RPS6KC1: variants seen among roughly 807,000 people sequenced by gnomAD.
RPS6KC1 encodes the protein inactive ribosomal protein S6 kinase delta-1.
In RPS6KC1, 54 loss-of-function variants were observed where a neutral mutation model predicts 103.8. The ratio of observed to expected loss-of-function variants is 0.52; its 90% confidence interval spans 0.42 to 0.65. RPS6KC1 has a LOEUF of 0.65. Ranked by LOEUF, RPS6KC1 falls within the 30% of genes least tolerant of loss-of-function variation. RPS6KC1 has a pLI of 0.00. For synonymous variants in RPS6KC1, 439 were observed against 438.7 expected, an observed-to-expected ratio of 1.00 and a Z score of -0.01; for missense variants, 1,151 against 1,253.8, an observed-to-expected ratio of 0.92 and a Z score of 1.24.
At chr1:213,563,579 C>T in the RPS6KC1 span, among the ~76,000 whole-genome samples, 1 of 151,990 alleles carries the variant, frequency 6.6e-6, no homozygotes, top group Admixed American at 6.6e-5. Flanking sequence ...CTGTTTTCTA[C>T]TGATTTTAAG....
the RPS6KC1 span, among the ~76,000 whole-genome samples, chr1:213,803,302 G>T: frequency 6.8e-6 from 1 of 147,538 alleles, no homozygotes; most frequent in Non-Finnish European, 1.5e-5. Context: ...GCTGGAGTAC[G>T]GTGGCATGAT....
the RPS6KC1 span, among the ~76,000 whole-genome samples, chr1:213,479,829 TA>T: frequency 0.37 from 56,403 of 151,620 alleles, 11,070 homozygotes; most frequent in East Asian, 0.59. Context: ...ATAGGATCTT[TA>T]AAAAAAATAG....
At chr1:213,062,564 C>CT (rs949827976) in intron 1 of RPS6KC1, among the ~76,000 whole-genome samples, 71 of 145,004 alleles carry the variant, frequency 4.9e-4, no homozygotes, top group East Asian at 1.4e-3. Context: ...GCTTTTGAAT[C>CT]TTTTTTTTTT....
chr1:213,370,081 A>G, the RPS6KC1 span, among the ~76,000 whole-genome samples: 50 of 152,158 alleles, frequency 3.3e-4, no homozygotes, highest in South Asian at 4.1e-4. Flanking sequence ...ATGTAGGAAG[A>G]TGAATTTCTA....
chr1:213,608,746 AT>A, the RPS6KC1 span, among the ~76,000 whole-genome samples: 1 of 152,182 alleles, frequency 6.6e-6, no homozygotes, highest in Non-Finnish European at 1.5e-5. Context: ...TATGTATTAT[AT>A]TTTTATAGAA....
chr1:213,188,316 G>A (rs576973518), intron 8 of RPS6KC1, among the ~76,000 whole-genome samples: 2 of 152,102 alleles, frequency 1.3e-5, no homozygotes, highest in Admixed American at 1.3e-4. Context: ...GTGGAGGGAG[G>A]GTGAGATTTT....
At chr1:213,229,722 A>T (rs1001236893) in intron 8 of RPS6KC1, among the ~76,000 whole-genome samples, 1 of 152,144 alleles carries the variant, frequency 6.6e-6, no homozygotes, top group African/African-American at 2.4e-5. Context: ...GCAATGTGTG[A>T]GAGGTTATGA....
At chr1:213,073,589 A>C (rs1454872073) in intron 2 of RPS6KC1, among the ~76,000 whole-genome samples, 1 of 152,208 alleles carries the variant, frequency 6.6e-6, no homozygotes, top group Non-Finnish European at 1.5e-5. Flanking sequence ...AAAGAACTGA[A>C]ACAGGACTTT....
At chr1:213,567,996 T>C in the RPS6KC1 span, among the ~76,000 whole-genome samples, 339 of 152,346 alleles carry the variant, frequency 2.2e-3, 1 homozygote, top group African/African-American at 7.5e-3. Flanking sequence ...GCTTGCAGAC[T>C]GGCTGGAAGA....
intron 8 of RPS6KC1, among the ~76,000 whole-genome samples, chr1:213,189,102 G>A (rs2148449717): frequency 6.6e-6 from 1 of 152,186 alleles, no homozygotes; most frequent in Non-Finnish European, 1.5e-5. Flanking sequence ...AATGTAGGAA[G>A]GTTAATATTT....
chr1:213,560,612 C>T, the RPS6KC1 span, among the ~76,000 whole-genome samples: 1 of 152,164 alleles, frequency 6.6e-6, no homozygotes, highest in Non-Finnish European at 1.5e-5. Flanking sequence ...TTAATTTTAA[C>T]CTTTGAGACC....
the RPS6KC1 span, among the ~76,000 whole-genome samples, chr1:213,595,042 CTTT>C: frequency 1.3e-5 from 2 of 152,148 alleles, no homozygotes; most frequent in East Asian, 1.9e-4. Context: ...AACAATACTT[CTTT>C]ATTTCCCATC....
intron 4 of RPS6KC1, among the ~76,000 whole-genome samples, chr1:213,109,162 G>C (rs2082767903): frequency 6.6e-6 from 1 of 151,936 alleles, no homozygotes; most frequent in African/African-American, 2.4e-5. Context: ...TTTGAGACGG[G>C]GTCTCGCTCT....
intron 1 of RPS6KC1, among the ~76,000 whole-genome samples, chr1:213,052,757 AT>A (rs1222848513): frequency 1.3e-5 from 2 of 152,054 alleles, no homozygotes. Context: ...GCTCAGGCTC[AT>A]TTCGAAGTCC....
At chr1:213,092,826 A>G (rs1345734356) in intron 3 of RPS6KC1, among the ~76,000 whole-genome samples, 1 of 152,236 alleles carries the variant, frequency 6.6e-6, no homozygotes, top group African/African-American at 2.4e-5. Flanking sequence ...TGTATAGTGT[A>G]TGTAACCTCT....
chr1:213,423,752 T>G, the RPS6KC1 span, among the ~76,000 whole-genome samples: 1 of 101,358 alleles, frequency 9.9e-6, no homozygotes, highest in Non-Finnish European at 2.0e-5. Context: ...GTGGGAGCCT[T>G]GGAGGGGGAG....
chr1:213,431,187 G>A, the RPS6KC1 span, among the ~76,000 whole-genome samples: 1 of 152,110 alleles, frequency 6.6e-6, no homozygotes, highest in Non-Finnish European at 1.5e-5. Context: ...GCACTGCATG[G>A]GTGCTTACAC....
the RPS6KC1 span, among the ~76,000 whole-genome samples, chr1:213,733,672 TG>T: frequency 1.3e-5 from 2 of 152,110 alleles, no homozygotes; most frequent in Non-Finnish European, 1.5e-5. Context: ...TCCCCTTTCG[TG>T]GGTTTTATCT....
the RPS6KC1 span, among the ~76,000 whole-genome samples, chr1:213,605,998 A>G: frequency 6.6e-6 from 1 of 152,230 alleles, no homozygotes; most frequent in Non-Finnish European, 1.5e-5. Flanking sequence ...CAAGAAGATA[A>G]TGAGAAACGC....
Sources: gnomAD v4.1 joint callset for allele counts (sites outside exome capture counted in the v4.1 genomes callset) on GRCh38, gnomAD v4.1.1 for gene constraint, MANE v1.5 for transcripts, NCBI Gene and HGNC (gene_info 2026-07-23, HGNC 2026-07-21) for gene names.